Variants in SDK1 observed in about 807,000 individuals in gnomAD.
The protein encoded by SDK1 is sidekick cell adhesion molecule 1.
In SDK1, 157 loss-of-function variants were observed where a neutral mutation model predicts 245.5. That is an observed-to-expected ratio of 0.64 (90% CI 0.56 to 0.73). The LOEUF (loss-of-function observed/expected upper bound fraction) is 0.73. Ranked by LOEUF, SDK1 falls within the 30% of genes least tolerant of loss-of-function variation. The probability of loss-of-function intolerance (pLI) is 0.00; values close to 1 mark genes in which losing one functional copy is unlikely to be tolerated. For missense variants in SDK1, 3,583 were observed against 3,002.3 expected, an observed-to-expected ratio of 1.19 and a Z score of -4.52; for synonymous variants, 1,647 against 1,278.5, an observed-to-expected ratio of 1.29 and a Z score of -6.15.
intron 32 of SDK1, among the ~76,000 whole-genome samples, chr7:4,172,526 C>T (rs1229601831): frequency 6.6e-6 from 1 of 152,202 alleles, no homozygotes; most frequent in Non-Finnish European, 1.5e-5. Flanking sequence ...CATCCAACCC[C>T]TCCTGGTGCC....
intron 26 of SDK1, among the ~76,000 whole-genome samples, chr7:4,127,869 C>G (rs1784496127): frequency 6.6e-6 from 1 of 152,236 alleles, no homozygotes; most frequent in African/African-American, 2.4e-5. Context: ...AGCTTTGTCC[C>G]AGGGTTGGTG....
chr7:3,521,591 A>T (rs980025585), intron 1 of SDK1, among the ~76,000 whole-genome samples: 9 of 152,298 alleles, frequency 5.9e-5, no homozygotes, highest in Middle Eastern at 3.4e-3. Context: ...ATTAGTGAAG[A>T]TGGAAAATAG....
At chr7:3,569,446 T>C (rs1205180459) in intron 1 of SDK1, among the ~76,000 whole-genome samples, 1 of 152,238 alleles carries the variant, frequency 6.6e-6, no homozygotes, top group African/African-American at 2.4e-5. Flanking sequence ...GAGAAGGATA[T>C]TTCTCTTGAG....
chr7:3,937,859 A>T (rs58250705), intron 5 of SDK1, among the ~76,000 whole-genome samples: 1 of 151,794 alleles, frequency 6.6e-6, no homozygotes, highest in Non-Finnish European at 1.5e-5. Context: ...TTTCTTTGAG[A>T]CAGAGTCTCA....
At chr7:4,218,380 G>A (rs142639129) in intron 38 of SDK1, among the ~76,000 whole-genome samples, 11 of 151,710 alleles carry the variant, frequency 7.3e-5, no homozygotes, top group South Asian at 2.1e-4. Context: ...ATGACAGAGC[G>A]AGACTCCGTC....
intron 1 of SDK1, among the ~76,000 whole-genome samples, chr7:3,617,669 G>C (rs1002091587): frequency 6.6e-6 from 1 of 152,154 alleles, no homozygotes; most frequent in Non-Finnish European, 1.5e-5. Flanking sequence ...AAGGTCAAGG[G>C]AGTGCATGAG....
intron 1 of SDK1, among the ~76,000 whole-genome samples, chr7:3,592,710 G>A (rs1374589580): frequency 6.6e-6 from 1 of 152,162 alleles, no homozygotes; most frequent in Non-Finnish European, 1.5e-5. Flanking sequence ...CTCGCGCTGT[G>A]GGAATCCTGC....
chr7:3,350,795 G>A (rs1780639044), intron 1 of SDK1, among the ~76,000 whole-genome samples: 1 of 151,796 alleles, frequency 6.6e-6, no homozygotes. Flanking sequence ...TTATCTTGCA[G>A]TATGATAGTT....
intron 4 of SDK1, among the ~76,000 whole-genome samples, chr7:3,816,402 G>C (rs1293102593): frequency 2.0e-5 from 3 of 147,856 alleles, no homozygotes; most frequent in Non-Finnish European, 3.0e-5. Flanking sequence ...AATAAAAAAT[G>C]ATAAAGGGGA....
intron 1 of SDK1, among the ~76,000 whole-genome samples, chr7:3,600,193 T>C (rs1390890561): frequency 6.6e-6 from 1 of 152,234 alleles, no homozygotes; most frequent in African/African-American, 2.4e-5. Flanking sequence ...TTGTAAATGG[T>C]ATTATGTGTT....
At chr7:3,498,160 C>G (rs925167090) in intron 1 of SDK1, among the ~76,000 whole-genome samples, 2 of 152,174 alleles carry the variant, frequency 1.3e-5, no homozygotes, top group African/African-American at 4.8e-5. Context: ...ATTCAGCCAA[C>G]TTCTTTTCTG....
intron 4 of SDK1, among the ~76,000 whole-genome samples, chr7:3,731,350 G>C (rs1583351570): frequency 6.6e-6 from 1 of 152,164 alleles, no homozygotes; most frequent in South Asian, 2.1e-4. Context: ...GAACCATTAG[G>C]AGGCGAGCCC....
chr7:4,066,157 G>A (rs540114917), intron 19 of SDK1, among the ~76,000 whole-genome samples: 4 of 152,132 alleles, frequency 2.6e-5, no homozygotes, highest in South Asian at 2.1e-4. Flanking sequence ...CTTTTCCCCG[G>A]TTCTGCCTTT....
chr7:3,905,660 C>G (rs537686892), intron 5 of SDK1, among the ~76,000 whole-genome samples: 1 of 151,994 alleles, frequency 6.6e-6, no homozygotes, highest in Non-Finnish European at 1.5e-5. Context: ...CGTTCTTGCT[C>G]TGTTGTCCAG....
chr7:4,145,821 C>T lies in SDK1; in HGVS notation c.4328C>T (p.Ala1443Val), dbSNP rs1779930476. The T allele has an allele frequency of 6.2e-7, 1 of 1,613,842 alleles. No individual in the cohort carries two copies. Among genetic ancestry groups the T allele is most frequent in the Middle Eastern group, 1.7e-4 (1 of 6,060 alleles). Residue 1443 changes from alanine (A) to valine (V), a missense_variant, in exon 29 of 45, where the codon GCC (alanine) becomes GTC (valine). Transcript: ENST00000404826. ...AGGCAGTTCACAGCCACCGACCTGGCCCCGGAGTCCGCATACATCTTCAGG... is the reference window on the plus strand; with the variant it reads ...AGGCAGTTCACAGCCACCGACCTGGTCCCGGAGTCCGCATACATCTTCAGG... ...TVRQFTATDL[A>V]PESAYIFRLS...
chr7:4,234,087 G>A (rs146296091), intron 41 of SDK1, among the ~76,000 whole-genome samples: 4 of 152,300 alleles, frequency 2.6e-5, no homozygotes, highest in African/African-American at 7.2e-5. Context: ...CGGCAGCTAT[G>A]GGGGAGCCCA....
intron 4 of SDK1, among the ~76,000 whole-genome samples, chr7:3,743,643 A>C (rs1241851394): frequency 6.6e-6 from 1 of 152,238 alleles, no homozygotes; most frequent in Non-Finnish European, 1.5e-5. Flanking sequence ...TATTTAAGGA[A>C]CATTTGCTAT....
chr7:4,226,715 C>T (rs1029846537), intron 40 of SDK1, among the ~76,000 whole-genome samples: 5 of 152,214 alleles, frequency 3.3e-5, no homozygotes, highest in African/African-American at 1.2e-4. Flanking sequence ...TGTTGCAAAA[C>T]TCCCTGGAAG....
chr7:3,860,117 T>A (rs1317015349), intron 5 of SDK1, among the ~76,000 whole-genome samples: 1 of 152,080 alleles, frequency 6.6e-6, no homozygotes, highest in East Asian at 1.9e-4. Context: ...GGTCGGGGTT[T>A]CACCAAGTTA....
Sources: gnomAD v4.1 joint callset for allele counts (sites outside exome capture counted in the v4.1 genomes callset) on GRCh38, gnomAD v4.1.1 for gene constraint, MANE v1.5 for transcripts, NCBI Gene and HGNC (gene_info 2026-07-23, HGNC 2026-07-21) for gene names.